AGAP1: variants seen among roughly 807,000 people sequenced by gnomAD.
AGAP1 encodes the protein ArfGAP with GTPase domain, ankyrin repeat and PH domain 1.
A neutral mutation model predicts 105.3 loss-of-function variants in AGAP1; 29 were observed. That is an observed-to-expected ratio of 0.28 (90% confidence interval 0.21 to 0.38). AGAP1 has a LOEUF of 0.38. Ranked by LOEUF, AGAP1 falls within the 10% of genes least tolerant of loss-of-function variation. The pLI is 1.00. For missense variants in AGAP1, 998 were observed against 1,165.1 expected, an observed-to-expected ratio of 0.86 and a Z score of 2.09; for synonymous variants, 509 against 485.9, an observed-to-expected ratio of 1.05 and a Z score of -0.63.
At chr2:235,676,719 G>C (rs1575099411) in intron 1 of AGAP1, among the ~76,000 whole-genome samples, 1 of 152,154 alleles carries the variant, frequency 6.6e-6, no homozygotes, top group Non-Finnish European at 1.5e-5. Flanking sequence ...TTTTGTTTCT[G>C]ATAGGAATTC....
intron 1 of AGAP1, among the ~76,000 whole-genome samples, chr2:235,595,481 T>C (rs532246488): frequency 2.4e-4 from 37 of 152,374 alleles, no homozygotes; most frequent in African/African-American, 8.7e-4. Context: ...GTTTTTGTTC[T>C]GATAAACACG....
rs1403591397 is a variant in AGAP1 at position 236,113,445 on chromosome 2, T to C, written c.2115-6747T>C. Among the ~76,000 whole-genome samples, 10 of 152,168 alleles carry C rather than the reference T, an allele frequency of 6.6e-5. No homozygotes were observed. The highest frequency in any genetic ancestry group is 2.4e-5 in the African/African-American group (1 of 41,450). On this transcript the variant is annotated intron_variant, in intron 16 of 17. Transcript: ENST00000304032. This position sits in a 1 kb window ranked among gnomAD's most constrained non-coding sequence, Gnocchi z 4.3. ...TGAGCCACCATGCCCGGCTGGAGTTTGTTTTTTAAAATGTGTACATGCTTG... is the reference window on the plus strand; with the variant it reads ...TGAGCCACCATGCCCGGCTGGAGTTCGTTTTTTAAAATGTGTACATGCTTG...
chr2:235,791,932 A>G (rs993814506), intron 6 of AGAP1, among the ~76,000 whole-genome samples: 1 of 152,224 alleles, frequency 6.6e-6, no homozygotes, highest in African/African-American at 2.4e-5. Context: ...CAGTGCCCTC[A>G]GCTGCATAAA....
intron 9 of AGAP1, among the ~76,000 whole-genome samples, chr2:235,857,089 C>T (rs754766959): frequency 5.9e-5 from 9 of 152,138 alleles, no homozygotes; most frequent in Non-Finnish European, 8.8e-5. Flanking sequence ...TCATCCACTC[C>T]CAGATGGCAG....
chr2:235,594,704 AG>A (rs1337909093), intron 1 of AGAP1, among the ~76,000 whole-genome samples: 1 of 151,826 alleles, frequency 6.6e-6, no homozygotes, highest in Non-Finnish European at 1.5e-5. Flanking sequence ...CCCAAGTAGC[AG>A]GGATTACAGA....
In AGAP1 at chr2:235,973,315, A is replaced by G. The variant is rs926508236; in HGVS notation, c.1645+4692A>G. On this transcript the variant is annotated intron_variant, in intron 13 of 17. Coordinates refer to ENST00000304032, the MANE Select transcript of AGAP1 (RefSeq NM_001037131.3). This position sits in a 1 kb window ranked among gnomAD's most constrained non-coding sequence, Gnocchi z 4.7. ...TTACCATTTAAAATGAATCGGAGGA[A>G]TCTGGAAAGTTACAGAAGCAGGGAC... 3.9e-5 allele frequency among the ~76,000 whole-genome samples: 6 copies of G among 152,186 alleles called. No homozygotes were observed. Among genetic ancestry groups the G allele is most frequent in the Non-Finnish European group, 7.4e-5 (5 of 68,026 alleles).
chr2:235,882,843 C>T lies in AGAP1; in HGVS notation c.1051-502C>T, dbSNP rs1299535218. Among the ~76,000 whole-genome samples the T allele has an allele frequency of 2.6e-5, 4 of 151,828 alleles. No homozygotes were observed. The highest frequency in any genetic ancestry group is 2.6e-4 in the Admixed American group (4 of 15,244). Reference sequence around the variant, plus strand: ...GTCTCTCCTCTCTCTTTCTTTCACTCGCTTTGTCACCCAGGCTGGAGTACG... The same window carrying T: ...GTCTCTCCTCTCTCTTTCTTTCACTTGCTTTGTCACCCAGGCTGGAGTACG... On this transcript the variant is annotated intron_variant, in intron 9 of 17. Transcript: ENST00000304032. The surrounding 1 kb of genome is among the most constrained non-coding windows in gnomAD (Gnocchi z 4.6).
chr2:235,911,263 T>G (rs1268807497), intron 11 of AGAP1, among the ~76,000 whole-genome samples: 1 of 152,210 alleles, frequency 6.6e-6, no homozygotes, highest in East Asian at 1.9e-4. Flanking sequence ...TCCCCTGTTG[T>G]TGGGGAGAAA....
chr2:235,837,488 T>C (rs1960306768), intron 9 of AGAP1, among the ~76,000 whole-genome samples: 1 of 152,138 alleles, frequency 6.6e-6, no homozygotes, highest in Non-Finnish European at 1.5e-5. Context: ...CCCTAAGCCA[T>C]GGAAGGAGAC....
At chr2:235,791,793 C>T (rs1225762886) in intron 6 of AGAP1, among the ~76,000 whole-genome samples, 3 of 152,098 alleles carry the variant, frequency 2.0e-5, no homozygotes, top group East Asian at 1.9e-4. Flanking sequence ...GTGATCTGCC[C>T]GCCTCAGCCT....
At chr2:235,779,117 A>G (rs575971647) in intron 6 of AGAP1, among the ~76,000 whole-genome samples, 1 of 152,330 alleles carries the variant, frequency 6.6e-6, no homozygotes, top group East Asian at 1.9e-4. Flanking sequence ...CACCCCTGTT[A>G]GGCAACCTAT....
At chr2:235,998,998 G>C (rs934177652) in intron 13 of AGAP1, among the ~76,000 whole-genome samples, 3 of 151,506 alleles carry the variant, frequency 2.0e-5, no homozygotes, top group Admixed American at 1.3e-4. Flanking sequence ...GGTGGTGATT[G>C]TGGTGACAGT....
chr2:235,592,019 T>G (rs1945358140), intron 1 of AGAP1, among the ~76,000 whole-genome samples: 1 of 152,208 alleles, frequency 6.6e-6, no homozygotes, highest in Non-Finnish European at 1.5e-5. Context: ...TAAACCTCTT[T>G]TCTTTATAAA....
intron 1 of AGAP1, among the ~76,000 whole-genome samples, chr2:235,563,257 G>A (rs1944225578): frequency 6.6e-6 from 1 of 152,052 alleles, no homozygotes. Context: ...GGCGTCCCCA[G>A]CACTTCATTT....
chr2:235,515,607 C>T (rs1015191328), intron 1 of AGAP1, among the ~76,000 whole-genome samples: 3 of 152,132 alleles, frequency 2.0e-5, no homozygotes, highest in Non-Finnish European at 2.9e-5. Context: ...TCAGTGTTTC[C>T]TTGTAATTTT....
rs766586148 is a variant in AGAP1, at chr2:235,494,737, C to G, written c.51C>G (p.Ile17Met). ...LANSAAIRAE[I>M]QRFESVHPNI... The stretch of plus-strand genomic sequence containing the variant: ...ACTCGGCTGCCATCCGGGCCGAGAT[C>G]CAGCGCTTCGAGTCGGTCCACCCCA... Residue 17 changes from isoleucine (I) to methionine (M), a missense_variant, in exon 1 of 18, where the codon ATC becomes ATG. Ile to Met is a conservative substitution (Grantham distance 10). Around this residue, in one of 3 missense-constraint regions of AGAP1, gnomAD observed 735 missense variants for 833.4 expected, o/e 0.88. Transcript: ENST00000304032. 6.4e-7 allele frequency: 1 copy of G among 1,569,152 alleles called. No individual in the cohort carries two copies. Among genetic ancestry groups the G allele is most frequent in the South Asian group, 1.1e-5 (1 of 87,612 alleles).
In AGAP1 at chr2:236,058,262, T is replaced by G. The variant is rs954250760; in HGVS notation, c.2114+8981T>G. Among the ~76,000 whole-genome samples, 2 of 152,198 alleles carry G rather than the reference T, an allele frequency of 1.3e-5. No individual in the cohort carries two copies. Among genetic ancestry groups the G allele is most frequent in the Non-Finnish European group, 2.9e-5 (2 of 68,042 alleles). Reference sequence around the variant, plus strand: ...TCCCTGGACTTCATTCCTCACTTCTTTAGACCCAGGTCTTCTGTTTTCTTC... The same window carrying G: ...TCCCTGGACTTCATTCCTCACTTCTGTAGACCCAGGTCTTCTGTTTTCTTC... On this transcript the variant is annotated intron_variant, in intron 16 of 17. Coordinates refer to ENST00000304032, the MANE Select transcript of AGAP1 (RefSeq NM_001037131.3). This position sits in a 1 kb window ranked among gnomAD's most constrained non-coding sequence, Gnocchi z 4.6.
At chr2:235,661,688 C>A (rs1045135844) in intron 1 of AGAP1, among the ~76,000 whole-genome samples, 1 of 152,244 alleles carries the variant, frequency 6.6e-6, no homozygotes, top group East Asian at 1.9e-4. Flanking sequence ...CAGGTGAAGC[C>A]CCTGCTGCTG....
intron 9 of AGAP1, among the ~76,000 whole-genome samples, chr2:235,851,622 C>T (rs1420424433): frequency 6.6e-6 from 1 of 152,052 alleles, no homozygotes; most frequent in African/African-American, 2.4e-5. Flanking sequence ...GCAGCATACT[C>T]TAGGCTTATC....
Sources: allele counts gnomAD v4.1 joint callset (sites outside exome capture counted in the v4.1 genomes callset), GRCh38; gene constraint gnomAD v4.1.1; regional missense constraint gnomAD v4.1.1; non-coding constraint Gnocchi (gnomAD v3.1); transcripts MANE v1.5; gene names NCBI Gene and HGNC (gene_info 2026-07-23, HGNC 2026-07-21).